TMX2: variants seen among roughly 807,000 people sequenced by gnomAD.
TMX2 encodes thioredoxin related transmembrane protein 2.
A neutral mutation model predicts 33.4 loss-of-function variants in TMX2; 20 were observed. That is an observed-to-expected ratio of 0.60 (90% CI 0.42 to 0.87). The LOEUF (loss-of-function observed/expected upper bound fraction) is 0.87. Among genes scored for constraint, TMX2 ranks in the 40% least tolerant of loss-of-function variants. The pLI is 0.00. For missense variants in TMX2, 340 were observed against 370.7 expected, an observed-to-expected ratio of 0.92 and a Z score of 0.68; for synonymous variants, 166 against 140.7, an observed-to-expected ratio of 1.18 and a Z score of -1.27.
At chr11:57,727,109 G>A (rs545640909) in intron 1 of TMX2, among the ~76,000 whole-genome samples, 19 of 152,088 alleles carry the variant, frequency 1.2e-4, no homozygotes, top group Non-Finnish European at 2.8e-4. Flanking sequence ...AAAAGGCAAA[G>A]GCACAGTTAA....
rs781146475 is a variant in TMX2, at chr11:57,739,274, A to G, written c.744+14A>G. 1 of 1,613,962 alleles carries G rather than the reference A, an allele frequency of 6.2e-7. No individual in the cohort carries two copies. Among genetic ancestry groups the G allele is most frequent in the African/African-American group, 1.3e-5 (1 of 74,906 alleles). On this transcript the variant is annotated intron_variant, in intron 7 of 7. Transcript: ENST00000278422. ...ACCTTCTCTGAGGTACCTGAAAGGA[A>G]GGGCAGGTGCATGAAGGGTGCAGAA...
chr11:57,728,906 T>TA (rs1379809312), intron 1 of TMX2, among the ~76,000 whole-genome samples: 1 of 151,716 alleles, frequency 6.6e-6, no homozygotes, highest in African/African-American at 2.4e-5. Context: ...ACAATTAATT[T>TA]AAAAAATGGC....
At chr11:57,730,454 A>T (rs1157325806) in intron 1 of TMX2, among the ~76,000 whole-genome samples, 1 of 74,736 alleles carries the variant, frequency 1.3e-5, no homozygotes, top group Non-Finnish European at 2.7e-5. Context: ...AAAAAAAAAA[A>T]GGCCAGGCAT....
At chr11:57,723,041 G>A (rs575165387) in intron 1 of TMX2, among the ~76,000 whole-genome samples, 267 of 152,242 alleles carry the variant, frequency 1.8e-3, no homozygotes, top group Non-Finnish European at 3.0e-3. Flanking sequence ...AACCCGGAAA[G>A]CAGAGGTTGC....
chr11:57,734,967 C>G (rs1391991680), intron 1 of TMX2, among the ~76,000 whole-genome samples: 1 of 150,786 alleles, frequency 6.6e-6, no homozygotes, highest in Non-Finnish European at 1.5e-5. Context: ...AACCCCATCT[C>G]TACTAAAAAT....
At chr11:57,730,809 G>A (rs1948330021) in intron 1 of TMX2, among the ~76,000 whole-genome samples, 1 of 152,102 alleles carries the variant, frequency 6.6e-6, no homozygotes, top group Non-Finnish European at 1.5e-5. Flanking sequence ...GGTTGCTTGA[G>A]AGAGAGAGAC....
chr11:57,738,113 C>A, intron 3 of TMX2, 87 bp downstream of exon 3: 3 of 1,046,786 alleles, frequency 2.9e-6, no homozygotes, highest in Non-Finnish European at 4.2e-6. Flanking sequence ...CCAACAGTTG[C>A]AATCCCAAAC....
chr11:57,738,586 A>C, intron 4 of TMX2, 78 bp from the exon 5 acceptor site: 2 of 1,336,154 alleles, frequency 1.5e-6, no homozygotes, highest in Non-Finnish European at 2.2e-6. Flanking sequence ...CACCAGGATG[A>C]GGAATTAGAT....
intron 1 of TMX2, among the ~76,000 whole-genome samples, chr11:57,720,858 CTT>C (rs1947582310): frequency 6.6e-6 from 1 of 152,186 alleles, no homozygotes; most frequent in African/African-American, 2.4e-5. Context: ...TTTGCAGGCC[CTT>C]CAGGGGATCC....
At chr11:57,730,813 G>A (rs996609293) in intron 1 of TMX2, among the ~76,000 whole-genome samples, 1 of 152,166 alleles carries the variant, frequency 6.6e-6, no homozygotes, top group Non-Finnish European at 1.5e-5. Flanking sequence ...GCTTGAGAGA[G>A]AGAGACATTT....
chr11:57,730,366 G>C (rs1948288114), intron 1 of TMX2, among the ~76,000 whole-genome samples: 1 of 137,840 alleles, frequency 7.3e-6, no homozygotes. Context: ...GGTGGAGGTT[G>C]CAGTGAGCCG....
chr11:57,713,956 G>T (rs987545616), intron 1 of TMX2, among the ~76,000 whole-genome samples: 7 of 152,368 alleles, frequency 4.6e-5, no homozygotes, highest in Non-Finnish European at 1.0e-4. Context: ...TCAGGGAAGA[G>T]ACCAGAAGTA....
At chr11:57,738,893 C>A in intron 5 of TMX2, 81 bp from the exon 6 acceptor site, 1 of 1,545,896 alleles carries the variant, frequency 6.5e-7, no homozygotes, top group Non-Finnish European at 8.9e-7. Context: ...GCATCTCCCT[C>A]TCCCCTCTTA....
chr11:57,716,115 G>C (rs1181009991), intron 1 of TMX2, among the ~76,000 whole-genome samples: 3 of 152,132 alleles, frequency 2.0e-5, no homozygotes, highest in African/African-American at 7.2e-5. Flanking sequence ...CCCAGACGGG[G>C]TGGTGGCTGG....
chr11:57,712,935 T>G, intron 1 of TMX2, 128 bp downstream of exon 1: 1 of 973,740 alleles, frequency 1.0e-6, no homozygotes, highest in Non-Finnish European at 1.5e-6. Context: ...ACTTAGAGAC[T>G]ATTAAGTGCA....
intron 1 of TMX2, among the ~76,000 whole-genome samples, chr11:57,730,018 C>T (rs957364565): frequency 6.6e-6 from 1 of 151,020 alleles, no homozygotes; most frequent in African/African-American, 2.4e-5. Flanking sequence ...GCAGGAGTAT[C>T]GCTTGAACCC....
At chr11:57,719,673 C>T (rs962959106) in intron 1 of TMX2, among the ~76,000 whole-genome samples, 2 of 151,632 alleles carry the variant, frequency 1.3e-5, no homozygotes, top group African/African-American at 2.4e-5. Flanking sequence ...CACACCACCA[C>T]GCCCGGCTAA....
At position 57,739,236 on chromosome 11, in the gene TMX2, G is replaced by GGCT; in HGVS notation, c.722_724dup (p.Ala241dup). 2 of 1,614,072 alleles carry GGCT rather than the reference G, an allele frequency of 1.2e-6. No individual in the cohort carries two copies. The highest frequency in any genetic ancestry group is 1.7e-6 in the Non-Finnish European group (2 of 1,180,026). ...GGCCACAGATTGACAAGAAAGGACG[G>GGCT]GCTGTCTCATGGACCTTCTCTGAGG... On this transcript the variant is annotated inframe_insertion, in exon 7 of 8. Transcript: ENST00000278422.
chr11:57,721,543 C>T (rs1947634172), intron 1 of TMX2, among the ~76,000 whole-genome samples: 1 of 151,816 alleles, frequency 6.6e-6, no homozygotes, highest in African/African-American at 2.4e-5. Flanking sequence ...CTCAAGCTCC[C>T]AATCTCAGGT....
Sources: allele counts gnomAD v4.1 joint callset (sites outside exome capture counted in the v4.1 genomes callset), GRCh38; gene constraint gnomAD v4.1.1; transcripts MANE v1.5; gene names NCBI Gene and HGNC (gene_info 2026-07-23, HGNC 2026-07-21).